The following SHANK2 variants were observed in gnomAD, a reference collection of about 807,000 sequenced individuals.
SHANK2 encodes SH3 and multiple ankyrin repeat domains 2.
Under a neutral mutation model 133.7 loss-of-function variants are expected in SHANK2, and 43 were observed. That is an observed-to-expected ratio of 0.32 (90% CI 0.25 to 0.41). The LOEUF (loss-of-function observed/expected upper bound fraction) is 0.41, where lower values mean the gene tolerates loss of function less well. Among genes scored for constraint, SHANK2 ranks in the 10% least tolerant of loss-of-function variants. SHANK2 has a pLI of 1.00. For missense variants in SHANK2, 1,994 were observed against 2,235.8 expected, an observed-to-expected ratio of 0.89 and a Z score of 2.18; for synonymous variants, 1,017 against 952.8, an observed-to-expected ratio of 1.07 and a Z score of -1.24.
chr11:70,762,777 A>C (rs1381535058), intron 14 of SHANK2, among the ~76,000 whole-genome samples: 1 of 152,240 alleles, frequency 6.6e-6, no homozygotes, highest in Non-Finnish European at 1.5e-5. Context: ...GGTGAGGGGC[A>C]TTAAGGCCAC....
At chr11:70,928,794 C>T (rs10899690) in intron 10 of SHANK2, among the ~76,000 whole-genome samples, 95,314 of 152,024 alleles carry the variant, frequency 0.63, 34,875 homozygotes, top group Non-Finnish European at 0.79. Flanking sequence ...ACCGTGAACC[C>T]GGACAGGTGG....
intron 14 of SHANK2, among the ~76,000 whole-genome samples, chr11:70,773,743 T>C (rs1439707417): frequency 6.6e-5 from 10 of 152,184 alleles, no homozygotes; most frequent in Non-Finnish European, 1.5e-4. Flanking sequence ...CATTAGTTAT[T>C]AGGGGAATGC....
chr11:70,701,993 T>C (rs1945532676), intron 14 of SHANK2, among the ~76,000 whole-genome samples: 1 of 147,426 alleles, frequency 6.8e-6, no homozygotes. Flanking sequence ...ACCATCATCA[T>C]CACCACTATC....
chr11:71,186,857 G>A (rs987618609), intron 2 of SHANK2, among the ~76,000 whole-genome samples: 3 of 152,286 alleles, frequency 2.0e-5, no homozygotes, highest in Admixed American at 6.5e-5. Context: ...CTCGGCCCTC[G>A]GCATTCAGCC....
At chr11:70,799,601 C>T (rs1443144585) in intron 13 of SHANK2, among the ~76,000 whole-genome samples, 2 of 152,196 alleles carry the variant, frequency 1.3e-5, no homozygotes, top group African/African-American at 2.4e-5. Flanking sequence ...CTATTCATTA[C>T]GTGGTTGCTG....
intron 9 of SHANK2, among the ~76,000 whole-genome samples, chr11:71,067,221 C>T (rs908363492): frequency 3.3e-5 from 5 of 152,180 alleles, no homozygotes; most frequent in Admixed American, 1.3e-4. Flanking sequence ...ACAGGTTCCC[C>T]GTGGGACACC....
chr11:70,519,790 C>T (rs1327570820), intron 17 of SHANK2, among the ~76,000 whole-genome samples: 1 of 152,150 alleles, frequency 6.6e-6, no homozygotes, highest in Admixed American at 6.5e-5. Flanking sequence ...GGCTGGAGTG[C>T]AGTGGCATGA....
chr11:70,842,518 G>C (rs1158242620), intron 11 of SHANK2, among the ~76,000 whole-genome samples: 7 of 152,182 alleles, frequency 4.6e-5, no homozygotes, highest in Non-Finnish European at 1.5e-5. Flanking sequence ...CTCTGCACTT[G>C]TCCCTTTCAG....
In SHANK2 at chr11:71,118,950, T is replaced by C; in HGVS notation, c.290A>G (p.Asp97Gly). Reference sequence around the variant, plus strand: ...CTGGAACAGGCCGTAGTTCAGGACATCTTTCAAACTCTGGGTTAATGTACA... The same window carrying C: ...CTGGAACAGGCCGTAGTTCAGGACACCTTTCAAACTCTGGGTTAATGTACA... ...ILCTLTQSLK[D>G]VLNYGLFQPA... Residue 97 changes from aspartate (D) to glycine (G), a missense_variant, in exon 4 of 26, where the codon GAT becomes GGT. Asp to Gly is a moderately conservative substitution (Grantham distance 94, BLOSUM62 -1). Transcript: ENST00000601538. 3 of 1,551,714 alleles carry C rather than the reference T, an allele frequency of 1.9e-6. No homozygotes were observed. Among genetic ancestry groups the C allele is most frequent in the Non-Finnish European group, 2.6e-6 (3 of 1,147,004 alleles).
intron 14 of SHANK2, among the ~76,000 whole-genome samples, chr11:70,701,515 C>G (rs1309186211): frequency 6.6e-6 from 1 of 152,174 alleles, no homozygotes; most frequent in Non-Finnish European, 1.5e-5. Flanking sequence ...ATTCTCATGC[C>G]TCAGCCTCCC....
rs964914313 is a variant in SHANK2, at chr11:71,089,770, G to A, written c.912+2652C>T. On this transcript the variant is annotated intron_variant, in intron 8 of 25. Transcript: ENST00000601538. The stretch of plus-strand genomic sequence containing the variant: ...ACAAATGAGGAGGGGGCCAGGGAAT[G>A]AGCGTGGCCAGGGCCAGATGCTGTG... 8.2e-3 allele frequency among the ~76,000 whole-genome samples: 1,244 copies of A among 152,348 alleles called. 26 individuals carry two copies. Among genetic ancestry groups the A allele is most frequent in the African/African-American group, 0.029 (1,199 of 41,578 alleles).
At chr11:70,902,108 G>A (rs1950031079) in intron 10 of SHANK2, among the ~76,000 whole-genome samples, 1 of 152,186 alleles carries the variant, frequency 6.6e-6, no homozygotes, top group East Asian at 1.9e-4. Flanking sequence ...GAATTCAGAC[G>A]ATGGGCAGCC....
chr11:70,631,401 CA>C (rs1565195578), intron 17 of SHANK2, among the ~76,000 whole-genome samples: 127 of 150,688 alleles, frequency 8.4e-4, no homozygotes, highest in African/African-American at 2.8e-3. Context: ...CACACACACA[CA>C]CACACACCCA....
intron 17 of SHANK2, among the ~76,000 whole-genome samples, chr11:70,531,729 C>T (rs797026998): frequency 3.9e-5 from 6 of 152,278 alleles, no homozygotes; most frequent in African/African-American, 7.2e-5. Flanking sequence ...AGACACTGAG[C>T]GCCTTGGGAA....
rs1555113009 is a variant in SHANK2, at chr11:71,175,595, A to G, written c.-12-28257T>C. ...GAGAGAGAGAGAGAGAGAGAGAGAG[A>G]GAGAGAGACAGAGACAGAGACATCG... On this transcript the variant is annotated intron_variant, in intron 2 of 25. Transcript: ENST00000601538. The surrounding 1 kb of genome is among the most constrained non-coding windows in gnomAD (Gnocchi z 4.2). Among the ~76,000 whole-genome samples the G allele has an allele frequency of 6.8e-6, 1 of 146,548 alleles. No homozygotes were observed. Among genetic ancestry groups the G allele is most frequent in the African/African-American group, 2.5e-5 (1 of 39,402 alleles).
intron 14 of SHANK2, among the ~76,000 whole-genome samples, chr11:70,720,680 G>A (rs547780308): frequency 6.6e-6 from 1 of 152,252 alleles, no homozygotes; most frequent in Admixed American, 6.5e-5. Flanking sequence ...AGGAATGACA[G>A]GTGGGACTGA....
intron 3 of SHANK2, among the ~76,000 whole-genome samples, chr11:71,127,532 GATCA>G (rs1279885343): frequency 6.6e-6 from 1 of 152,182 alleles, no homozygotes; most frequent in African/African-American, 2.4e-5. Context: ...CCACCACTCT[GATCA>G]GTTGGCAGCC....
At chr11:71,223,239 G>A (rs1270473784) in intron 2 of SHANK2, among the ~76,000 whole-genome samples, 5 of 152,212 alleles carry the variant, frequency 3.3e-5, no homozygotes, top group East Asian at 3.8e-4. Flanking sequence ...GCATGGGGCC[G>A]TGACTCCGAC....
intron 9 of SHANK2, among the ~76,000 whole-genome samples, chr11:71,069,095 C>A (rs911312555): frequency 3.3e-5 from 5 of 150,888 alleles, no homozygotes; most frequent in African/African-American, 1.2e-4. Context: ...CCATCATCAC[C>A]ATCATCATTA....
Sources: allele counts gnomAD v4.1 joint callset (sites outside exome capture counted in the v4.1 genomes callset), GRCh38; gene constraint gnomAD v4.1.1; non-coding constraint Gnocchi (gnomAD v3.1); transcripts MANE v1.5; gene names NCBI Gene and HGNC (gene_info 2026-07-23, HGNC 2026-07-21).